The following SULT4A1 variants were observed in gnomAD, a reference collection of about 807,000 sequenced individuals.
SULT4A1 encodes sulfotransferase family 4A member 1.
Under a neutral mutation model 35.2 loss-of-function variants are expected in SULT4A1, and 11 were observed. The ratio of observed to expected loss-of-function variants is 0.31; its 90% CI spans 0.20 to 0.52. The LOEUF is 0.52. Ranked by LOEUF, SULT4A1 falls within the 20% of genes least tolerant of loss-of-function variation. The pLI is 0.97. For missense variants in SULT4A1, 271 were observed against 383.7 expected (o/e 0.71, Z 2.45); for synonymous variants, 152 against 151.8 (o/e 1.00, Z -0.01).
In SULT4A1 at chr22:43,862,071, G is replaced by C. The variant is rs981623399; in HGVS notation, c.169+143C>G. The C allele has an allele frequency of 1.7e-4, 33 of 196,080 alleles. No homozygotes were observed. The South Asian group carries it at 4.8e-3, about 29-fold the overall frequency. 12.1% of individuals were successfully genotyped at this position (196,080 alleles called of 1,614,324 possible). On this transcript the variant is annotated intron_variant, in intron 1 of 6. Coordinates refer to ENST00000330884, the MANE Select transcript of SULT4A1 (RefSeq NM_014351.4). ...CCCGCCCCGCAGGGATCCGAGCATC[G>C]GGAGAGCGGTGGGCACGGCAGGGGC...
At chr22:43,829,422 C>T (rs1047522184) in intron 5 of SULT4A1, among the ~76,000 whole-genome samples, 1 of 152,078 alleles carries the variant, frequency 6.6e-6, no homozygotes, top group Admixed American at 6.5e-5. Context: ...AACCCTGGTC[C>T]TCCAGGGAAT....
intron 5 of SULT4A1, 142 bp from the exon 6 acceptor site, chr22:43,829,340 TCCA>T: frequency 5.0e-6 from 5 of 991,746 alleles, no homozygotes; most frequent in Non-Finnish European, 5.7e-6. Flanking sequence ...ATCAGCCTTG[TCCA>T]GAAATAACAC....
intron 1 of SULT4A1, among the ~76,000 whole-genome samples, chr22:43,842,279 A>C (rs924600305): frequency 6.6e-5 from 10 of 152,176 alleles, no homozygotes; most frequent in African/African-American, 2.4e-4. Flanking sequence ...TTTACGCAGG[A>C]ATGATGGGTC....
chr22:43,850,464 C>T (rs146070507), intron 1 of SULT4A1, among the ~76,000 whole-genome samples: 160 of 152,270 alleles, frequency 1.1e-3, no homozygotes, highest in African/African-American at 3.6e-3. Context: ...AGGTAACTGC[C>T]TTAGTTTGCT....
intron 2 of SULT4A1, among the ~76,000 whole-genome samples, chr22:43,840,588 G>A (rs1412250922): frequency 6.6e-6 from 1 of 152,188 alleles, no homozygotes; most frequent in Admixed American, 6.5e-5. Flanking sequence ...GAGGGCAGCA[G>A]AGGCAGCAGG....
intron 4 of SULT4A1, among the ~76,000 whole-genome samples, chr22:43,835,139 C>T (rs572002525): frequency 6.1e-5 from 9 of 147,172 alleles, no homozygotes; most frequent in African/African-American, 1.5e-4. Flanking sequence ...CTGAGCTTCC[C>T]GCGCCCCCAC....
chr22:43,846,934 C>G (rs1278264703), intron 1 of SULT4A1, among the ~76,000 whole-genome samples: 1 of 152,202 alleles, frequency 6.6e-6, no homozygotes, highest in African/African-American at 2.4e-5. Context: ...CCCAGACAGA[C>G]CTTCTCTGCA....
At chr22:43,832,902 C>T (rs2063334898) in intron 5 of SULT4A1, among the ~76,000 whole-genome samples, 2 of 152,128 alleles carry the variant, frequency 1.3e-5, no homozygotes, top group Non-Finnish European at 1.5e-5. Context: ...CCAGCTCCCA[C>T]CCACTGCTAC....
In SULT4A1 at chr22:43,862,393, T is replaced by C. The variant is rs8138894; in HGVS notation, c.-11A>G. ...CTCGCTCTCCGCCATGCCGCCGCCG[T>C]CGCCGTCGCCGCCGCCGCCTCCCGG... On this transcript the variant is annotated 5_prime_UTR_variant, in exon 1 of 7. Transcript: ENST00000330884. The C allele has an allele frequency of 2.4e-6, 3 of 1,274,562 alleles. No homozygotes were observed. The highest frequency in any genetic ancestry group is 1.6e-5 in the African/African-American group (1 of 63,892). 79.0% of individuals were successfully genotyped at this position (1,274,562 alleles called of 1,614,324 possible).
chr22:43,854,129 C>T lies in SULT4A1; in HGVS notation c.169+8085G>A, dbSNP rs12160404. 6.3e-3 allele frequency among the ~76,000 whole-genome samples: 960 copies of T among 152,290 alleles called. 13 individuals are homozygous for T. Among genetic ancestry groups the T allele is most frequent in the African/African-American group, 0.022 (919 of 41,542 alleles). ...GACATCAGTAGTGGTGATGATGGTG[C>T]GGACAACAATGGCAGACAGGGCAAT... On this transcript the variant is annotated intron_variant, in intron 1 of 6. Transcript: ENST00000330884.
intron 1 of SULT4A1, among the ~76,000 whole-genome samples, chr22:43,844,464 G>C (rs776522071): frequency 6.6e-6 from 1 of 152,214 alleles, no homozygotes; most frequent in African/African-American, 2.4e-5. Context: ...ACGCGGCTGA[G>C]CCAGGCCTCC....
At chr22:43,834,119 T>C (rs2063346182) in intron 4 of SULT4A1, among the ~76,000 whole-genome samples, 1 of 152,092 alleles carries the variant, frequency 6.6e-6, no homozygotes, top group South Asian at 2.1e-4. Flanking sequence ...GGGTGGGGTA[T>C]AGGAAGCTGT....
Position 43,826,976 on chromosome 22 carries a change from C to T in SULT4A1, c.743-863G>A, listed in dbSNP as rs531746189. On this transcript the variant is annotated intron_variant, in intron 6 of 6. Transcript: ENST00000330884. ...CTGGTTTATGAAGGCTTTGGAAAAA[C>T]GAAAGACAGCTCAACATGACAAGAG... 1.5e-4 allele frequency: 150 copies of T among 985,416 alleles called. No homozygotes were observed. In the African/African-American group the frequency reaches 2.0e-3, roughly 13 times the overall value. 61.0% of individuals were successfully genotyped at this position (985,416 alleles called of 1,614,324 possible).
chr22:43,840,069 G>T (rs1432784192), intron 2 of SULT4A1, 44 bp from the exon 3 acceptor site: 2 of 1,514,370 alleles, frequency 1.3e-6, no homozygotes, highest in South Asian at 1.2e-5. Flanking sequence ...GAAAGGGTGA[G>T]ACCAAGGGGA....
At chr22:43,837,251 C>A (rs138693831) in intron 4 of SULT4A1, among the ~76,000 whole-genome samples, 1 of 152,170 alleles carries the variant, frequency 6.6e-6, no homozygotes, top group African/African-American at 2.4e-5. Flanking sequence ...GACCAAGGCA[C>A]GTGTGTGGGA....
At chr22:43,827,471 T>C in intron 6 of SULT4A1, 1 of 1,252,134 alleles carries the variant, frequency 8.0e-7, no homozygotes, top group South Asian at 1.4e-5. Flanking sequence ...TGATTATTTT[T>C]CTCAGCTGAG....
At chr22:43,859,343 C>T (rs571979646) in intron 1 of SULT4A1, among the ~76,000 whole-genome samples, 4 of 152,258 alleles carry the variant, frequency 2.6e-5, no homozygotes, top group African/African-American at 4.8e-5. Context: ...CAGAAGCTTC[C>T]GTCTGCATCA....
rs2049390023 is a variant in SULT4A1, at chr22:43,855,271, C to CA, written c.169+6942dup. Among the ~76,000 whole-genome samples, 3 of 152,176 alleles carry CA rather than the reference C, an allele frequency of 2.0e-5. No homozygotes were observed. The South Asian group carries it at 6.2e-4, about 32-fold the overall frequency. ...CTTCTCAGGGTCTTGGTTCCTTACC[C>CA]AAAAAATGGCCTATTTCATGGCAAA... On this transcript the variant is annotated intron_variant, in intron 1 of 6. Transcript: ENST00000330884.
At chr22:43,857,894 C>T (rs1332393995) in intron 1 of SULT4A1, among the ~76,000 whole-genome samples, 1 of 151,264 alleles carries the variant, frequency 6.6e-6, no homozygotes, top group Non-Finnish European at 1.5e-5. Context: ...TACAAAAATA[C>T]AAAAAATTAG....
Sources: allele counts gnomAD v4.1 joint callset (sites outside exome capture counted in the v4.1 genomes callset), GRCh38; gene constraint gnomAD v4.1.1; transcripts MANE v1.5; gene names NCBI Gene and HGNC (gene_info 2026-07-23, HGNC 2026-07-21).